EPB41L4A: variants seen among roughly 807,000 people sequenced by gnomAD.
The protein encoded by EPB41L4A is band 4.1-like protein 4A.
EPB41L4A carries 100 observed loss-of-function variants against 108.6 expected under a neutral mutation model. The observed-to-expected ratio is 0.92, with a 90% confidence interval of 0.78 to 1.09. EPB41L4A has a LOEUF of 1.09. EPB41L4A is among the 50% of genes least tolerant of loss of function. The pLI, the probability that EPB41L4A is intolerant of heterozygous loss-of-function variation, is 0.00. For missense variants in EPB41L4A, 1,030 were observed against 842.7 expected (o/e 1.22, Z -2.75); for synonymous variants, 319 against 289.0 (o/e 1.10, Z -1.05).
At chr5:112,379,976 CTATTT>C (rs1293508515) in intron 1 of EPB41L4A, among the ~76,000 whole-genome samples, 1 of 152,214 alleles carries the variant, frequency 6.6e-6, no homozygotes, top group African/African-American at 2.4e-5. Context: ...TACAATTTCT[CTATTT>C]TATTATCTGA....
chr5:112,161,857 A>C, downstream of EPB41L4A: 1 of 285,768 alleles, frequency 3.5e-6, no homozygotes, highest in South Asian at 3.1e-5. Context: ...AGTGAGTTTT[A>C]ATGTCAGTGG....
At chr5:112,268,094 A>T (rs1751989537) in intron 4 of EPB41L4A, among the ~76,000 whole-genome samples, 1 of 152,364 alleles carries the variant, frequency 6.6e-6, no homozygotes, top group South Asian at 2.1e-4. Context: ...AAAACCTTAT[A>T]AACAAGAGTG....
chr5:112,203,397 A>T (rs2150293925), intron 15 of EPB41L4A, among the ~76,000 whole-genome samples: 1 of 152,250 alleles, frequency 6.6e-6, no homozygotes, highest in East Asian at 1.9e-4. Flanking sequence ...AAAAGGAAAA[A>T]GTCATTTATA....
At chr5:112,169,918 G>A in intron 20 of EPB41L4A, 1 of 211,090 alleles carries the variant, frequency 4.7e-6, no homozygotes, top group Non-Finnish European at 9.3e-6. Flanking sequence ...CCTGCTCAAT[G>A]TGCTGCTTCT....
downstream of EPB41L4A, chr5:112,161,269 C>G: frequency 3.0e-6 from 1 of 333,204 alleles, no homozygotes; most frequent in Non-Finnish European, 5.9e-6. Context: ...GTGCGGTGCT[C>G]GTCGGGAGTG....
intron 12 of EPB41L4A, among the ~76,000 whole-genome samples, chr5:112,210,588 G>A (rs1022567771): frequency 6.6e-6 from 1 of 151,990 alleles, no homozygotes; most frequent in Admixed American, 6.6e-5. Flanking sequence ...TTGCATACAC[G>A]CTAGAGGAAC....
At chr5:112,232,781 T>A (rs1487133117) in intron 12 of EPB41L4A, among the ~76,000 whole-genome samples, 1 of 152,196 alleles carries the variant, frequency 6.6e-6, no homozygotes, top group African/African-American at 2.4e-5. Flanking sequence ...CAGCCACACC[T>A]CTGAATAACT....
intron 1 of EPB41L4A, among the ~76,000 whole-genome samples, chr5:112,308,646 A>C (rs1754845130): frequency 6.6e-6 from 1 of 152,212 alleles, no homozygotes; most frequent in Non-Finnish European, 1.5e-5. Context: ...TCTTTAGGTT[A>C]CTGGACATTT....
chr5:112,195,332 C>G (rs1170882190), intron 16 of EPB41L4A, among the ~76,000 whole-genome samples: 1 of 151,908 alleles, frequency 6.6e-6, no homozygotes. Flanking sequence ...AAATCGTGAA[C>G]AAGACGAGCT....
chr5:112,418,883 TG>T, intron 1 of EPB41L4A, 57 bp downstream of exon 1: 1 of 1,396,064 alleles, frequency 7.2e-7, no homozygotes, highest in Non-Finnish European at 1.0e-6. Flanking sequence ...CTCAAAGCGA[TG>T]GACCCCCGCA....
At chr5:112,318,809 T>G (rs149049664) in intron 1 of EPB41L4A, among the ~76,000 whole-genome samples, 1 of 152,176 alleles carries the variant, frequency 6.6e-6, no homozygotes, top group South Asian at 2.1e-4. Context: ...ATACCAAACA[T>G]TAGTAATTCC....
At chr5:112,416,068 T>A (rs1762703462) in intron 1 of EPB41L4A, among the ~76,000 whole-genome samples, 1 of 150,952 alleles carries the variant, frequency 6.6e-6, no homozygotes, top group Non-Finnish European at 1.5e-5. Context: ...TCTTACCATA[T>A]AAGATGAGTA....
intron 1 of EPB41L4A, among the ~76,000 whole-genome samples, chr5:112,366,051 T>C (rs1580768388): frequency 6.6e-6 from 1 of 151,940 alleles, no homozygotes; most frequent in African/African-American, 2.4e-5. Context: ...AATAGAAAAC[T>C]AAACTTAGCA....
At chr5:112,403,529 G>A (rs756540800) in intron 1 of EPB41L4A, among the ~76,000 whole-genome samples, 6 of 152,154 alleles carry the variant, frequency 3.9e-5, no homozygotes, top group Non-Finnish European at 7.4e-5. Flanking sequence ...CCAGCCTGGA[G>A]TGCAGTGGAG....
chr5:112,183,153 T>C (rs1761243132), intron 18 of EPB41L4A, among the ~76,000 whole-genome samples: 1 of 152,140 alleles, frequency 6.6e-6, no homozygotes, highest in African/African-American at 2.4e-5. Context: ...TTTAACCTGA[T>C]GTGGCACTCA....
rs535128794 is a variant in EPB41L4A, at chr5:112,394,493, G to A, written c.99+24448C>T. The stretch of plus-strand genomic sequence containing the variant: ...CATGAGTGCACTCCCATTCACAATT[G>A]CTTCAAAGAGAATAAAATACCTAGG... On this transcript the variant is annotated intron_variant, in intron 1 of 22. Transcript: ENST00000261486. Among the ~76,000 whole-genome samples, 4 of 152,238 alleles carry A rather than the reference G, an allele frequency of 2.6e-5. No individual in the cohort carries two copies. In the South Asian group the frequency reaches 8.3e-4, roughly 32 times the overall value.
intron 15 of EPB41L4A, 38 bp from the exon 16 acceptor site, chr5:112,195,746 A>T (rs1396540327): frequency 6.3e-7 from 1 of 1,580,000 alleles, no homozygotes; most frequent in Non-Finnish European, 8.7e-7. Flanking sequence ...AAAACAGGAG[A>T]TTATCAATTG....
intron 1 of EPB41L4A, among the ~76,000 whole-genome samples, chr5:112,374,197 A>T (rs536335925): frequency 6.6e-6 from 1 of 152,238 alleles, no homozygotes; most frequent in African/African-American, 2.4e-5. Flanking sequence ...CTGATATTAC[A>T]AACCGTAGCC....
Position 112,240,780 on chromosome 5 carries a change from G to A in EPB41L4A, c.826C>T (p.Arg276Trp), listed in dbSNP as rs199935120. Residue 276 changes from arginine (R) to tryptophan (W), a missense_variant, in exon 10 of 23, where the codon CGG becomes TGG. Arg to Trp is a moderately radical substitution (Grantham distance 101). Coordinates refer to ENST00000261486, the MANE Select transcript of EPB41L4A (RefSeq NM_022140.5). ...CNETSFFFEARSKTACKHLWK... is the reference protein window; with the variant it reads ...CNETSFFFEAWSKTACKHLWK... ...AGGTGCTTGCAAGCAGTTTTACTCC[G>A]AGCTTCAAAAAAGAATGAGGTTTCG... 4.4e-5 allele frequency: 70 copies of A among 1,589,076 alleles called. No individual in the cohort carries two copies. Among genetic ancestry groups the A allele is most frequent in the African/African-American group, 3.1e-4 (23 of 73,398 alleles).
Sources: allele counts gnomAD v4.1 joint callset (sites outside exome capture counted in the v4.1 genomes callset), GRCh38; gene constraint gnomAD v4.1.1; transcripts MANE v1.5; gene names NCBI Gene and HGNC (gene_info 2026-07-23, HGNC 2026-07-21).